Variants in NCKAP5 observed in about 807,000 individuals in gnomAD.
NCKAP5 encodes the protein NCK associated protein 5.
In NCKAP5, 92 loss-of-function variants were observed where a neutral mutation model predicts 167.0. That is an observed-to-expected ratio of 0.55 (90% confidence interval 0.47 to 0.66). NCKAP5 has a LOEUF of 0.66. Among genes scored for constraint, NCKAP5 ranks in the 30% least tolerant of loss-of-function variants. The probability of loss-of-function intolerance (pLI) is 0.00; values close to 1 mark genes in which losing one functional copy is unlikely to be tolerated. For synonymous variants in NCKAP5, 891 were observed against 877.4 expected, an observed-to-expected ratio of 1.02 and a Z score of -0.27; for missense variants, 2,378 against 2,315.0, an observed-to-expected ratio of 1.03 and a Z score of -0.56.
chr2:133,388,483 G>T (rs1303008340), intron 3 of NCKAP5, among the ~76,000 whole-genome samples: 1 of 152,212 alleles, frequency 6.6e-6, no homozygotes, highest in Non-Finnish European at 1.5e-5. Flanking sequence ...GCTACTCGGG[G>T]GTCAGGGACC....
At chr2:133,191,185 C>T (rs1025258947) in intron 5 of NCKAP5, among the ~76,000 whole-genome samples, 9 of 152,184 alleles carry the variant, frequency 5.9e-5, no homozygotes, top group South Asian at 4.1e-4. Context: ...CTCATCATCA[C>T]TGGCCATCAG....
intron 18 of NCKAP5, among the ~76,000 whole-genome samples, chr2:132,727,514 A>T (rs920972783): frequency 6.6e-6 from 1 of 152,254 alleles, no homozygotes; most frequent in Admixed American, 6.5e-5. Context: ...ATGCCAAATC[A>T]GACACAAGTC....
At chr2:132,964,929 G>C (rs1038202844) in intron 7 of NCKAP5, among the ~76,000 whole-genome samples, 3 of 151,764 alleles carry the variant, frequency 2.0e-5, no homozygotes, top group African/African-American at 7.3e-5. Context: ...TGCTCATCAA[G>C]GTACTTTGAA....
chr2:133,424,277 C>A (rs1358700231), intron 3 of NCKAP5, among the ~76,000 whole-genome samples: 1 of 152,184 alleles, frequency 6.6e-6, no homozygotes, highest in East Asian at 1.9e-4. Context: ...TCTCAATTTT[C>A]TCAGGCCTCA....
chr2:132,966,074 T>C (rs2076654126), intron 7 of NCKAP5, among the ~76,000 whole-genome samples: 1 of 152,178 alleles, frequency 6.6e-6, no homozygotes, highest in South Asian at 2.1e-4. Context: ...AACATTTATT[T>C]AGCAGTTTGG....
the NCKAP5 span, among the ~76,000 whole-genome samples, chr2:133,598,537 AG>A: frequency 6.6e-6 from 1 of 152,320 alleles, no homozygotes; most frequent in Admixed American, 6.5e-5. Context: ...CCCACAGCCC[AG>A]TGATGGACAG....
chr2:132,771,122 T>C (rs1682008370), intron 16 of NCKAP5, among the ~76,000 whole-genome samples: 1 of 152,234 alleles, frequency 6.6e-6, no homozygotes, highest in Admixed American at 6.5e-5. Context: ...AGGGAAATTC[T>C]TCAGGAGGTA....
At chr2:133,387,954 T>C (rs1010622853) in intron 3 of NCKAP5, among the ~76,000 whole-genome samples, 9 of 152,194 alleles carry the variant, frequency 5.9e-5, no homozygotes, top group Non-Finnish European at 8.8e-5. Context: ...CCAATCTTTT[T>C]TCAAGGTTTT....
intron 6 of NCKAP5, among the ~76,000 whole-genome samples, chr2:133,001,567 G>A (rs1009590190): frequency 1.3e-5 from 2 of 152,118 alleles, no homozygotes; most frequent in Admixed American, 6.5e-5. Flanking sequence ...ATGAGAATAA[G>A]GAACTCATTC....
At chr2:133,143,772 C>T (rs1362684307) in intron 5 of NCKAP5, among the ~76,000 whole-genome samples, 2 of 151,962 alleles carry the variant, frequency 1.3e-5, no homozygotes, top group South Asian at 2.1e-4. Flanking sequence ...GCCACTGAAC[C>T]CTTGCAACAA....
At chr2:133,143,118 A>G (rs1381194517) in intron 5 of NCKAP5, among the ~76,000 whole-genome samples, 1 of 151,976 alleles carries the variant, frequency 6.6e-6, no homozygotes, top group Non-Finnish European at 1.5e-5. Flanking sequence ...CAGGCCTTGA[A>G]TGTTATGTAC....
At chr2:133,582,014 GA>G in the NCKAP5 span, among the ~76,000 whole-genome samples, 47 of 152,250 alleles carry the variant, frequency 3.1e-4, no homozygotes, top group African/African-American at 1.1e-3. Context: ...ACGTCCTGGA[GA>G]AAAAAATTAA....
At chr2:133,564,951 C>T (rs1177055331) in intron 1 of NCKAP5, among the ~76,000 whole-genome samples, 1 of 152,102 alleles carries the variant, frequency 6.6e-6, no homozygotes, top group Non-Finnish European at 1.5e-5. Flanking sequence ...GGTGTGCCCT[C>T]GTGAGACACA....
chr2:133,009,281 G>A (rs895329073), intron 6 of NCKAP5, among the ~76,000 whole-genome samples: 5 of 152,152 alleles, frequency 3.3e-5, no homozygotes, highest in Non-Finnish European at 7.3e-5. Flanking sequence ...ATGATTTCAT[G>A]TATGGGTTTC....
At chr2:133,655,736 C>T in the NCKAP5 span, among the ~76,000 whole-genome samples, 2 of 152,208 alleles carry the variant, frequency 1.3e-5, no homozygotes, top group African/African-American at 2.4e-5. Flanking sequence ...AAATTAAAAG[C>T]AGCTGCTGAA....
At chr2:133,114,016 T>A (rs147418524) in intron 6 of NCKAP5, among the ~76,000 whole-genome samples, 2 of 152,346 alleles carry the variant, frequency 1.3e-5, no homozygotes, top group East Asian at 3.9e-4. Flanking sequence ...ACATTTTACA[T>A]GGCATTTTAT....
intron 2 of NCKAP5, among the ~76,000 whole-genome samples, chr2:133,539,768 T>G (rs770350275): frequency 2.6e-5 from 4 of 151,918 alleles, no homozygotes; most frequent in Non-Finnish European, 5.9e-5. Flanking sequence ...AGAAAAAATA[T>G]CCATTCAAAG....
At chr2:133,505,976 T>C (rs986732048) in intron 3 of NCKAP5, among the ~76,000 whole-genome samples, 6 of 152,330 alleles carry the variant, frequency 3.9e-5, no homozygotes, top group South Asian at 2.1e-4. Flanking sequence ...TCCCTCATCA[T>C]AGTGTCCCAC....
chr2:132,935,788 G>A, intron 8 of NCKAP5, among the ~76,000 whole-genome samples: 1 of 152,126 alleles, frequency 6.6e-6, no homozygotes, highest in East Asian at 1.9e-4. Flanking sequence ...AGATGGAGTA[G>A]AGAGGATGAG....
Sources: gnomAD v4.1 joint callset for allele counts (sites outside exome capture counted in the v4.1 genomes callset) on GRCh38, gnomAD v4.1.1 for gene constraint, MANE v1.5 for transcripts, NCBI Gene and HGNC (gene_info 2026-07-23, HGNC 2026-07-21) for gene names.